Variants in EGFR observed in about 807,000 individuals in gnomAD.
EGFR encodes avian erythroblastic leukemia viral (v-erb-b) oncogene homolog.
Under a neutral mutation model 143.0 loss-of-function variants are expected in EGFR, and 58 were observed. The ratio of observed to expected loss-of-function variants is 0.41; its 90% CI spans 0.33 to 0.50. The LOEUF is 0.50. EGFR is among the 20% of genes least tolerant of loss of function. The probability of loss-of-function intolerance (pLI) is 0.39; values close to 1 mark genes in which losing one functional copy is unlikely to be tolerated. For missense variants in EGFR, 1,307 were observed against 1,579.0 expected, an observed-to-expected ratio of 0.83 and a Z score of 2.92; for synonymous variants, 613 against 594.4, an observed-to-expected ratio of 1.03 and a Z score of -0.45.
chr7:55,153,876 C>T (rs532215226), intron 6 of EGFR, 135 bp from the exon 7 acceptor site: 13 of 1,373,620 alleles, frequency 9.5e-6, no homozygotes, highest in South Asian at 2.5e-5. Flanking sequence ...GGTTTTCCCA[C>T]ACTAGTGGAA....
rs865873051 is a variant in EGFR at position 55,192,947 on chromosome 7, G to A, written c.2701+106G>A. 2.6e-5 allele frequency: 26 copies of A among 991,426 alleles called. No homozygotes were observed. In the South Asian group the frequency reaches 3.2e-4, roughly 12 times the overall value. The allele number at this position is 991,426 out of a possible 1,614,324, so 61.4% of individuals were successfully genotyped here. On this transcript the variant is annotated intron_variant, in intron 22 of 27. Transcript: ENST00000275493. Reference sequence around the variant, plus strand: ...CTGACATGCAAGTATTTTCTTTCGAGATAATGACTAATGATAATGTAATCA... The same window carrying A: ...CTGACATGCAAGTATTTTCTTTCGAAATAATGACTAATGATAATGTAATCA...
At chr7:55,083,889 G>T (rs1258702813) in intron 1 of EGFR, among the ~76,000 whole-genome samples, 1 of 152,144 alleles carries the variant, frequency 6.6e-6, no homozygotes, top group Non-Finnish European at 1.5e-5. Context: ...CAGGTTTTTG[G>T]AATACAAGAA....
In EGFR at chr7:55,210,084, G is replaced by A. The variant is rs909591592; in HGVS notation, c.*4467G>A. On this transcript the variant is annotated 3_prime_UTR_variant, in exon 28 of 28. Coordinates refer to ENST00000275493, the MANE Select transcript of EGFR (RefSeq NM_005228.5). ...CTGAGGCAGGTTCTGTTGGGGCAGT[G>A]TTAATGGAAAGGGCTCACTGTTGTT... 1.3e-5 allele frequency: 2 copies of A among 152,152 alleles called. No homozygotes were observed. Among genetic ancestry groups the A allele is most frequent in the Non-Finnish European group, 2.9e-5 (2 of 68,044 alleles). 9.4% of individuals were successfully genotyped at this position (152,152 alleles called of 1,614,324 possible).
intron 1 of EGFR, among the ~76,000 whole-genome samples, chr7:55,132,983 T>C (rs1282843407): frequency 6.6e-6 from 1 of 152,216 alleles, no homozygotes; most frequent in Non-Finnish European, 1.5e-5. Context: ...TCAGCCATGC[T>C]TGGTATTCAC....
chr7:55,204,433 TAC>T (rs770914662), intron 27 of EGFR, among the ~76,000 whole-genome samples: 6 of 142,058 alleles, frequency 4.2e-5, no homozygotes, highest in Non-Finnish European at 6.1e-5. Context: ...TGTACACATG[TAC>T]ACACACACCA....
chr7:55,082,666 C>A (rs114465516), intron 1 of EGFR, among the ~76,000 whole-genome samples: 2,705 of 152,288 alleles, frequency 0.018, 42 homozygotes, highest in Middle Eastern at 0.054. Context: ...CCCTGTGGCT[C>A]CGGGCAGCAG....
At chr7:55,126,214 A>C (rs1584104691) in intron 1 of EGFR, among the ~76,000 whole-genome samples, 1 of 152,318 alleles carries the variant, frequency 6.6e-6, no homozygotes, top group Non-Finnish European at 1.5e-5. Context: ...GTGATGATTC[A>C]GTGAATGTCT....
In EGFR at chr7:55,181,536, G is replaced by T. The variant is rs1021023866; in HGVS notation, c.2469+58G>T. The T allele has an allele frequency of 8.1e-6, 13 of 1,606,576 alleles. No homozygotes were observed. In the African/African-American group the frequency reaches 1.1e-4, roughly 13 times the overall value. ...ATAAGGAGCCAGGATCCTCACATGC[G>T]GTCTGCGCTCCTGGGATAGCAAGAG... On this transcript the variant is annotated intron_variant, in intron 20 of 27. Transcript: ENST00000275493.
intron 1 of EGFR, among the ~76,000 whole-genome samples, chr7:55,049,564 G>A (rs796804087): frequency 2.4e-4 from 36 of 152,086 alleles, no homozygotes; most frequent in African/African-American, 8.4e-4. Flanking sequence ...TCTGTATCTG[G>A]GGGGCCTTGC....
rs1788230307 is a variant in EGFR, at chr7:55,211,264, T to G, written c.*5647T>G. 1 of 152,216 alleles carries G rather than the reference T, an allele frequency of 6.6e-6. No individual in the cohort carries two copies. The highest frequency in any genetic ancestry group is 2.1e-4 in the South Asian group (1 of 4,828). 9.4% of individuals were successfully genotyped at this position (152,216 alleles called of 1,614,324 possible). A position where few individuals can be genotyped will look rare whatever the true frequency, so the allele number is the denominator to read the frequency against. On this transcript the variant is annotated 3_prime_UTR_variant, in exon 28 of 28. Coordinates refer to ENST00000275493, the MANE Select transcript of EGFR (RefSeq NM_005228.5). Reference sequence around the variant, plus strand: ...AAAAAAGGAATCCTATGACCTGATTTGGCCACAAAAATAATCTTGCTGTAC... The same window carrying G: ...AAAAAAGGAATCCTATGACCTGATTGGGCCACAAAAATAATCTTGCTGTAC...
At chr7:55,122,271 G>T (rs1171141089) in intron 1 of EGFR, among the ~76,000 whole-genome samples, 2 of 152,160 alleles carry the variant, frequency 1.3e-5, no homozygotes, top group African/African-American at 4.8e-5. Flanking sequence ...TCACCTGGCA[G>T]CTCCCATCTG....
At chr7:55,088,874 G>A (rs1468792962) in intron 1 of EGFR, among the ~76,000 whole-genome samples, 3 of 152,088 alleles carry the variant, frequency 2.0e-5, no homozygotes, top group Non-Finnish European at 4.4e-5. Flanking sequence ...ATCATTTTTT[G>A]TCTCTACTTA....
chr7:55,139,697 G>A (rs541106979), intron 1 of EGFR, among the ~76,000 whole-genome samples: 1 of 152,066 alleles, frequency 6.6e-6, no homozygotes, highest in Admixed American at 6.6e-5. Flanking sequence ...AAGTTTCTTT[G>A]CAATTTTTTC....
intron 14 of EGFR, 50 bp downstream of exon 14, chr7:55,163,873 ACAGAAGCCGAACAG>A: frequency 6.3e-7 from 1 of 1,596,576 alleles, no homozygotes; most frequent in South Asian, 1.1e-5. Context: ...AAGGGCCTTC[ACAGAAGCCGAACAG>A]TGATGATGGC....
intron 1 of EGFR, among the ~76,000 whole-genome samples, chr7:55,054,643 A>G (rs1788683300): frequency 6.6e-6 from 1 of 152,178 alleles, no homozygotes; most frequent in Non-Finnish European, 1.5e-5. Flanking sequence ...CAAAAGCAAG[A>G]CACTCTCTCT....
Position 55,117,511 on chromosome 7 carries a change from T to C in EGFR, c.89-24775T>C, listed in dbSNP as rs567188508. On this transcript the variant is annotated intron_variant, in intron 1 of 27. Transcript: ENST00000275493. ...CATGGTTGCTGCCCTAGGAGGATAT[T>C]TGATACTAGCAGAGCTGGGGCAACC... Among the ~76,000 whole-genome samples the C allele has an allele frequency of 3.3e-5, 5 of 152,274 alleles. No individual in the cohort carries two copies. The East Asian group carries it at 7.7e-4, about 24-fold the overall frequency.
At chr7:55,142,964 A>G (rs1794548994) in intron 2 of EGFR, among the ~76,000 whole-genome samples, 1 of 152,224 alleles carries the variant, frequency 6.6e-6, no homozygotes, top group South Asian at 2.1e-4. Flanking sequence ...TTCCTTTTTA[A>G]ATAAGAAATA....
chr7:55,150,501 G>C (rs1411093638), intron 4 of EGFR, among the ~76,000 whole-genome samples: 2 of 152,114 alleles, frequency 1.3e-5, no homozygotes, highest in Non-Finnish European at 1.5e-5. Flanking sequence ...CTGACTGCAG[G>C]GGACCTCGGG....
chr7:55,027,991 AATATATATATAT>A (rs374300539), intron 1 of EGFR, among the ~76,000 whole-genome samples: 7 of 54,982 alleles, frequency 1.3e-4, no homozygotes, highest in African/African-American at 3.2e-4. Flanking sequence ...AAAAAAAAAA[AATATATATATAT>A]ATATATATAT....
Sources: allele counts gnomAD v4.1 joint callset (sites outside exome capture counted in the v4.1 genomes callset), GRCh38; gene constraint gnomAD v4.1.1; transcripts MANE v1.5; gene names NCBI Gene and HGNC (gene_info 2026-07-23, HGNC 2026-07-21).